The following SCN1A variants were observed in gnomAD, a reference collection of about 807,000 sequenced individuals.
The protein encoded by SCN1A is sodium voltage-gated channel alpha subunit 1.
In SCN1A, 13 loss-of-function variants were observed where a neutral mutation model predicts 193.7. The ratio of observed to expected loss-of-function variants is 0.07; its 90% CI spans 0.04 to 0.11. The LOEUF is 0.11. Among genes scored for constraint, SCN1A ranks in the 10% least tolerant of loss-of-function variants. SCN1A has a pLI of 1.00. For synonymous variants in SCN1A, 781 were observed against 843.6 expected, an observed-to-expected ratio of 0.93 and a Z score of 1.29; for missense variants, 1,432 against 2,451.1, an observed-to-expected ratio of 0.58 and a Z score of 8.78.
intron 1 of SCN1A, among the ~76,000 whole-genome samples, chr2:166,144,063 C>T (rs1219656912): frequency 2.0e-5 from 3 of 152,308 alleles, no homozygotes; most frequent in East Asian, 3.9e-4. Context: ...TTAGCAGTTC[C>T]GAGTTGCAGA....
rs772400574 is a variant in SCN1A, at chr2:166,002,577, A to T, written c.4179T>A (p.His1393Gln). The T allele has an allele frequency of 3.1e-6, 5 of 1,611,882 alleles. No homozygotes were observed. The highest frequency in any genetic ancestry group is 1.6e-4 in the Middle Eastern group (1 of 6,066). Residue 1393 changes from histidine to glutamine, a missense_variant, in exon 24 of 29, where the codon CAT (histidine) becomes CAA (glutamine). Transcript: ENST00000674923. ...DRFDIEDVNN[H>Q]TDCLKLIERN... ...TTTCTATTAGTTTTAGGCAATCAGT[A>T]TGATTATTCACGTCTTCGATGTCAA...
intron 15 of SCN1A, 123 bp from the exon 16 acceptor site, chr2:166,041,592 T>C (rs944571075): frequency 1.4e-6 from 1 of 717,414 alleles, no homozygotes; most frequent in Non-Finnish European, 2.4e-6. Context: ...GACAACCTTT[T>C]TTGTACTTGT....
intron 2 of SCN1A, among the ~76,000 whole-genome samples, chr2:166,096,369 G>A (rs1574475032): frequency 2.0e-5 from 3 of 152,072 alleles, no homozygotes; most frequent in Middle Eastern, 3.4e-3. Flanking sequence ...TGCAAGCTCC[G>A]CCTCCCTGGT....
At chr2:166,003,974 T>C (rs78787207) in intron 23 of SCN1A, among the ~76,000 whole-genome samples, 4,060 of 151,522 alleles carry the variant, frequency 0.027, 209 homozygotes, top group African/African-American at 0.094. Flanking sequence ...AACAGTGTGA[T>C]AAGTGGGCCA....
intron 2 of SCN1A, among the ~76,000 whole-genome samples, chr2:166,095,067 CAAAT>C (rs1322284430): frequency 2.6e-5 from 4 of 152,258 alleles, no homozygotes; most frequent in African/African-American, 4.8e-5. Flanking sequence ...AGAAAACAAA[CAAAT>C]AAGCTCCCCA....
intron 19 of SCN1A, among the ~76,000 whole-genome samples, chr2:166,026,001 A>G (rs928693098): frequency 3.3e-5 from 5 of 152,142 alleles, no homozygotes; most frequent in Admixed American, 6.5e-5. Context: ...AATTCTTTCT[A>G]TCAATTTATT....
At chr2:166,084,271 C>G (rs1021317820) in intron 2 of SCN1A, among the ~76,000 whole-genome samples, 1 of 147,296 alleles carries the variant, frequency 6.8e-6, no homozygotes, top group South Asian at 2.2e-4. Context: ...GCTGTCCTCT[C>G]CCCACCCCTT....
At chr2:166,123,823 C>CT (rs1690915323) in intron 2 of SCN1A, among the ~76,000 whole-genome samples, 1 of 152,134 alleles carries the variant, frequency 6.6e-6, no homozygotes, top group Non-Finnish European at 1.5e-5. Flanking sequence ...AGCCCAATCT[C>CT]TGAGATTCCA....
chr2:166,124,340 G>A (rs373690461), intron 2 of SCN1A, among the ~76,000 whole-genome samples: 164 of 152,080 alleles, frequency 1.1e-3, no homozygotes, highest in African/African-American at 3.4e-3. Flanking sequence ...CTTGAGGTCA[G>A]GAGATCGAGA....
At position 166,007,622 on chromosome 2, in the gene SCN1A, A is replaced by G. The variant is rs2105550019; in HGVS notation, c.4002+2097T>C. On this transcript the variant is annotated intron_variant, in intron 23 of 28. Transcript: ENST00000674923. ...ATGTGCATAAAACATGCAAAACACAAAGTGCAACGTGATGATAATTTATTT... is the reference window on the plus strand; with the variant it reads ...ATGTGCATAAAACATGCAAAACACAGAGTGCAACGTGATGATAATTTATTT... 6.6e-6 allele frequency among the ~76,000 whole-genome samples: 1 copy of G among 151,500 alleles called. No individual in the cohort carries two copies. Among genetic ancestry groups the G allele is most frequent in the East Asian group, 1.9e-4 (1 of 5,142 alleles).
intron 2 of SCN1A, among the ~76,000 whole-genome samples, chr2:166,123,223 CAAAAAAAA>C (rs57488795): frequency 2.6e-5 from 3 of 116,404 alleles, no homozygotes; most frequent in South Asian, 2.8e-4. Context: ...CATTCATTTG[CAAAAAAAA>C]AAAAAAAAAA....
chr2:166,058,170 A>G, intron 5 of SCN1A, among the ~76,000 whole-genome samples: 1 of 152,066 alleles, frequency 6.6e-6, no homozygotes. Context: ...TATCATAACT[A>G]TGGATAAACT....
chr2:166,083,525 C>T (rs1010522619), intron 2 of SCN1A, among the ~76,000 whole-genome samples: 2 of 151,382 alleles, frequency 1.3e-5, no homozygotes, highest in Admixed American at 1.3e-4. Context: ...AGATCTCAGG[C>T]AAAAAATTCA....
At chr2:166,076,286 C>G (rs1684975222) in intron 3 of SCN1A, among the ~76,000 whole-genome samples, 1 of 151,822 alleles carries the variant, frequency 6.6e-6, no homozygotes, top group African/African-American at 2.4e-5. Context: ...ATCTGTATCA[C>G]CTTTCCCTCT....
intron 19 of SCN1A, among the ~76,000 whole-genome samples, chr2:166,021,958 A>C (rs940426257): frequency 2.6e-5 from 4 of 152,182 alleles, no homozygotes; most frequent in African/African-American, 9.7e-5. Flanking sequence ...AAAAGATTGG[A>C]AAACTCCCTA....
chr2:166,114,795 T>C (rs536144873), intron 2 of SCN1A, among the ~76,000 whole-genome samples: 5 of 152,226 alleles, frequency 3.3e-5, no homozygotes, highest in South Asian at 4.1e-4. Flanking sequence ...CATTAAAAAA[T>C]GTTTAAGATG....
chr2:166,133,331 A>G (rs16851582), intron 1 of SCN1A, among the ~76,000 whole-genome samples: 10,067 of 152,224 alleles, frequency 0.066, 571 homozygotes, highest in African/African-American at 0.16. Context: ...TTTCCTTTCA[A>G]TTACATAGGC....
chr2:166,086,291 AT>A (rs1206864334), intron 2 of SCN1A, among the ~76,000 whole-genome samples: 1 of 152,150 alleles, frequency 6.6e-6, no homozygotes, highest in Non-Finnish European at 1.5e-5. Flanking sequence ...TTGGTGCCTC[AT>A]AAGAGACCAC....
rs948256829 is a variant in SCN1A at position 165,991,059 on chromosome 2, C to G, written c.*186G>C. On this transcript the variant is annotated 3_prime_UTR_variant, in exon 29 of 29. Coordinates refer to ENST00000674923, the MANE Select transcript of SCN1A (RefSeq NM_001165963.4). ...GTAACCTCCTGTCAAGGTCATCTCC[C>G]CTTTACACAGAGTCACAGTTTGCTG... 8 of 598,882 alleles carry G rather than the reference C, an allele frequency of 1.3e-5. No individual in the cohort carries two copies. The highest frequency in any genetic ancestry group is 2.3e-5 in the Non-Finnish European group (8 of 341,918). 37.1% of individuals were successfully genotyped at this position (598,882 alleles called of 1,614,324 possible). A position where few individuals can be genotyped will look rare whatever the true frequency, so the allele number is the denominator to read the frequency against.
Sources: gnomAD v4.1 joint callset for allele counts (sites outside exome capture counted in the v4.1 genomes callset) on GRCh38, gnomAD v4.1.1 for gene constraint, MANE v1.5 for transcripts, NCBI Gene and HGNC (gene_info 2026-07-23, HGNC 2026-07-21) for gene names.